SELENOI: variants seen among roughly 807,000 people sequenced by gnomAD.
SELENOI encodes the protein ethanolaminephosphotransferase 1.
SELENOI carries 24 observed loss-of-function variants against 50.7 expected under a neutral mutation model. The ratio of observed to expected loss-of-function variants is 0.47; its 90% CI spans 0.34 to 0.67. The LOEUF (loss-of-function observed/expected upper bound fraction) is 0.67. Ranked by LOEUF, SELENOI falls within the 30% of genes least tolerant of loss-of-function variation. The pLI, the probability that SELENOI is intolerant of heterozygous loss-of-function variation, is 0.01. For missense variants in SELENOI, 352 were observed against 461.4 expected, an observed-to-expected ratio of 0.76 and a Z score of 2.17; for synonymous variants, 155 against 170.2, an observed-to-expected ratio of 0.91 and a Z score of 0.70.
intron 1 of SELENOI, among the ~76,000 whole-genome samples, chr2:26,363,344 G>A (rs186871397): frequency 1.1e-3 from 169 of 152,304 alleles, no homozygotes; most frequent in Admixed American, 3.0e-3. Flanking sequence ...CTCACAGGTA[G>A]TAAGTGTATC....
intron 6 of SELENOI, among the ~76,000 whole-genome samples, chr2:26,380,031 A>G (rs978257553): frequency 6.6e-6 from 1 of 152,218 alleles, no homozygotes; most frequent in Non-Finnish European, 1.5e-5. Flanking sequence ...CCGTCAGTTT[A>G]CTGTATTTTA....
At chr2:26,387,925 C>T (rs902760436) in intron 9 of SELENOI, among the ~76,000 whole-genome samples, 1 of 152,098 alleles carries the variant, frequency 6.6e-6, no homozygotes, top group Non-Finnish European at 1.5e-5. Context: ...TATTTTCACA[C>T]ACAGTTTTTA....
chr2:26,366,906 C>CA (rs1177064077), intron 3 of SELENOI, among the ~76,000 whole-genome samples: 1 of 152,170 alleles, frequency 6.6e-6, no homozygotes, highest in Non-Finnish European at 1.5e-5. Context: ...GGTGAACACT[C>CA]AGTCTTGAGT....
chr2:26,349,479 G>C (rs1179175484), intron 1 of SELENOI, among the ~76,000 whole-genome samples: 1 of 151,584 alleles, frequency 6.6e-6, no homozygotes, highest in Non-Finnish European at 1.5e-5. Flanking sequence ...GCTAATTTTT[G>C]TATTTTTCTT....
At position 26,359,056 on chromosome 2, in the gene SELENOI, G is replaced by A. The variant is rs909865670; in HGVS notation, c.58-5246G>A. ...AAGCCCCCAGTCTGCCTGTTTTAGT[G>A]AATACAGTTTTATTAGAACACCGCC... is the stretch of plus-strand genomic sequence containing the variant. On this transcript the variant is annotated intron_variant, in intron 1 of 9. Coordinates refer to ENST00000260585, the MANE Select transcript of SELENOI (RefSeq NM_033505.4). 2.0e-5 allele frequency among the ~76,000 whole-genome samples: 3 copies of A among 152,126 alleles called. No homozygotes were observed. The East Asian group carries it at 5.8e-4, about 29-fold the overall frequency.
chr2:26,358,177 A>G lies in SELENOI; in HGVS notation c.58-6125A>G, dbSNP rs146858142. On this transcript the variant is annotated intron_variant, in intron 1 of 9. Coordinates refer to ENST00000260585, the MANE Select transcript of SELENOI (RefSeq NM_033505.4). The stretch of plus-strand genomic sequence containing the variant: ...CAGCACTTTGAGAGCCCAAGACGGG[A>G]GGATCTCTTGAGGTCAGGAGTTCAA... Among the ~76,000 whole-genome samples, 440 of 152,178 alleles carry G rather than the reference A, an allele frequency of 2.9e-3. 18 individuals carry two copies. The East Asian group carries it at 0.07, about 24-fold the overall frequency.
At chr2:26,349,222 C>T (rs1322803880) in intron 1 of SELENOI, among the ~76,000 whole-genome samples, 2 of 151,248 alleles carry the variant, frequency 1.3e-5, no homozygotes, top group African/African-American at 2.4e-5. Context: ...CCATGTTGGT[C>T]AGGCTGGTCT....
At chr2:26,363,630 G>T (rs1368613966) in intron 1 of SELENOI, among the ~76,000 whole-genome samples, 1 of 152,104 alleles carries the variant, frequency 6.6e-6, no homozygotes, top group Admixed American at 6.6e-5. Context: ...CTGCGATTTG[G>T]GTTGATCTTT....
chr2:26,348,157 C>G (rs1190440548), intron 1 of SELENOI, among the ~76,000 whole-genome samples: 2 of 152,232 alleles, frequency 1.3e-5, no homozygotes, highest in African/African-American at 4.8e-5. Flanking sequence ...TTTGCTTGAA[C>G]ACAAATCTCA....
intron 8 of SELENOI, among the ~76,000 whole-genome samples, chr2:26,385,447 A>G (rs1048108375): frequency 4.6e-5 from 7 of 152,238 alleles, no homozygotes; most frequent in Non-Finnish European, 7.3e-5. Flanking sequence ...CTCTAAATAT[A>G]TTACCAGTAT....
At chr2:26,369,936 G>C (rs1677374105) in intron 4 of SELENOI, among the ~76,000 whole-genome samples, 1 of 151,270 alleles carries the variant, frequency 6.6e-6, no homozygotes, top group African/African-American at 2.4e-5. Flanking sequence ...TAGAACAATA[G>C]TGGAGGGAAG....
At position 26,394,607 on chromosome 2, in the gene SELENOI, A is replaced by G. The variant is rs530387780; in HGVS notation, c.*5504A>G. ...ATATGATCATTTCAAAAATGTGCCAAGAAAGCAAAATTCATTATTGAACTC... is the reference window on the plus strand; with the variant it reads ...ATATGATCATTTCAAAAATGTGCCAGGAAAGCAAAATTCATTATTGAACTC... On this transcript the variant is annotated 3_prime_UTR_variant, in exon 10 of 10. Transcript: ENST00000260585. The surrounding 1 kb of genome is among the most constrained non-coding windows in gnomAD (Gnocchi z 4.1). 1 of 152,206 alleles carries G rather than the reference A, an allele frequency of 6.6e-6. No individual in the cohort carries two copies. Among genetic ancestry groups the G allele is most frequent in the Non-Finnish European group, 1.5e-5 (1 of 67,988 alleles). The allele number at this position is 152,206 out of a possible 1,614,324, so 9.4% of individuals were successfully genotyped here. A position where few individuals can be genotyped will look rare whatever the true frequency, so the allele number is the denominator to read the frequency against.
At chr2:26,347,875 T>G (rs1424532476) in intron 1 of SELENOI, among the ~76,000 whole-genome samples, 1 of 152,188 alleles carries the variant, frequency 6.6e-6, no homozygotes, top group African/African-American at 2.4e-5. Flanking sequence ...TAATTTTCTG[T>G]TCTGATCTTT....
At chr2:26,381,977 C>G (rs995895212) in intron 6 of SELENOI, among the ~76,000 whole-genome samples, 8 of 152,102 alleles carry the variant, frequency 5.3e-5, no homozygotes, top group Admixed American at 2.0e-4. Context: ...AATGGAACAT[C>G]CAAATGAAGT....
rs1356194548 is a variant in SELENOI, at chr2:26,392,020, AC to A, written c.*2918del. ...GTCATTTTAATGTCATTATTGAAAT[AC>A]TTTTAATTCTAATTTTCAAAAGAAA... On this transcript the variant is annotated 3_prime_UTR_variant, in exon 10 of 10. Transcript: ENST00000260585. 1.3e-5 allele frequency: 2 copies of A among 152,232 alleles called. No homozygotes were observed. Among genetic ancestry groups the A allele is most frequent in the African/African-American group, 4.8e-5 (2 of 41,454 alleles). The allele number at this position is 152,232 out of a possible 1,614,324, so 9.4% of individuals were successfully genotyped here.
chr2:26,367,487 T>A (rs1010396160), intron 4 of SELENOI, among the ~76,000 whole-genome samples: 2 of 152,234 alleles, frequency 1.3e-5, no homozygotes, highest in African/African-American at 4.8e-5. Context: ...AGTAGAGTTT[T>A]ACTGGCACAC....
intron 1 of SELENOI, among the ~76,000 whole-genome samples, chr2:26,362,978 A>G (rs1677213837): frequency 6.6e-6 from 1 of 152,114 alleles, no homozygotes; most frequent in African/African-American, 2.4e-5. Flanking sequence ...ATAAGTTATC[A>G]ACATGACCCT....
chr2:26,386,774 A>G (rs574860408), intron 9 of SELENOI, among the ~76,000 whole-genome samples: 1 of 152,314 alleles, frequency 6.6e-6, no homozygotes, highest in East Asian at 1.9e-4. Flanking sequence ...CTGGATAATT[A>G]TTGTGAGGAA....
rs1282800329 is a variant in SELENOI at position 26,393,793 on chromosome 2, A to G, written c.*4690A>G. The G allele has an allele frequency of 6.6e-6, 1 of 152,244 alleles. No individual in the cohort carries two copies. Among genetic ancestry groups the G allele is most frequent in the Non-Finnish European group, 1.5e-5 (1 of 68,048 alleles). 9.4% of individuals were successfully genotyped at this position (152,244 alleles called of 1,614,324 possible). Reference sequence around the variant, plus strand: ...GAAGCAGACTGCTCTTCAGCAGCACATATACTGCAACTGAAGTTAGAGACA... The same window carrying G: ...GAAGCAGACTGCTCTTCAGCAGCACGTATACTGCAACTGAAGTTAGAGACA... On this transcript the variant is annotated 3_prime_UTR_variant, in exon 10 of 10. Coordinates refer to ENST00000260585, the MANE Select transcript of SELENOI (RefSeq NM_033505.4).
Sources: allele counts gnomAD v4.1 joint callset (sites outside exome capture counted in the v4.1 genomes callset), GRCh38; gene constraint gnomAD v4.1.1; non-coding constraint Gnocchi (gnomAD v3.1); transcripts MANE v1.5; gene names NCBI Gene and HGNC (gene_info 2026-07-23, HGNC 2026-07-21).